Variants in ZFHX3 observed in about 807,000 individuals in gnomAD.
ZFHX3 encodes the protein zinc finger homeobox protein 3.
A neutral mutation model predicts 279.1 loss-of-function variants in ZFHX3; 42 were observed. That is an observed-to-expected ratio of 0.15 (90% CI 0.12 to 0.19). ZFHX3 has a LOEUF of 0.19. ZFHX3 is among the 10% of genes least tolerant of loss of function. ZFHX3 has a pLI of 1.00. For synonymous variants in ZFHX3, 2,293 were observed against 1,957.8 expected (o/e 1.17, Z -4.52); for missense variants, 4,981 against 4,754.0 (o/e 1.05, Z -1.40).
intron 3 of ZFHX3, among the ~76,000 whole-genome samples, chr16:73,386,231 A>C (rs2016900762): frequency 6.6e-6 from 1 of 151,278 alleles, no homozygotes; most frequent in Admixed American, 6.6e-5. Context: ...TCTCTGTTTA[A>C]CTCTCTTACC....
At chr16:73,501,041 C>T (rs1213985282) in intron 2 of ZFHX3, among the ~76,000 whole-genome samples, 1 of 152,218 alleles carries the variant, frequency 6.6e-6, no homozygotes. Flanking sequence ...CACAGGGGTA[C>T]CACTTTTTAA....
chr16:72,955,372 T>C (rs990428681), intron 2 of ZFHX3, among the ~76,000 whole-genome samples: 1 of 152,244 alleles, frequency 6.6e-6, no homozygotes, highest in Non-Finnish European at 1.5e-5. Context: ...TCTGCCGCAA[T>C]GCCCAGGACA....
intron 2 of ZFHX3, among the ~76,000 whole-genome samples, chr16:73,622,274 T>G (rs1176164893): frequency 6.6e-6 from 1 of 152,142 alleles, no homozygotes; most frequent in African/African-American, 2.4e-5. Context: ...GAAAGGAATA[T>G]GGGGCCGGGC....
intron 1 of ZFHX3, among the ~76,000 whole-genome samples, chr16:73,030,646 AAAG>A (rs528870793): frequency 4.3e-4 from 65 of 152,246 alleles, no homozygotes; most frequent in African/African-American, 8.9e-4. Context: ...AGAAAAAAAA[AAAG>A]AAGAAGAAAC....
At chr16:73,573,639 T>C (rs1035872976) in intron 2 of ZFHX3, among the ~76,000 whole-genome samples, 4 of 152,330 alleles carry the variant, frequency 2.6e-5, no homozygotes, top group Admixed American at 2.0e-4. Flanking sequence ...AACTTTATGA[T>C]GATGATTTAA....
At chr16:73,549,695 A>T (rs2020174765) in intron 2 of ZFHX3, among the ~76,000 whole-genome samples, 1 of 152,218 alleles carries the variant, frequency 6.6e-6, no homozygotes, top group African/African-American at 2.4e-5. Context: ...ATCCCAGTCC[A>T]AACACAGAAA....
At chr16:73,166,338 G>T (rs535565655) in intron 5 of ZFHX3, among the ~76,000 whole-genome samples, 1 of 152,264 alleles carries the variant, frequency 6.6e-6, no homozygotes, top group South Asian at 2.1e-4. Context: ...TTCCGAGTCG[G>T]GTTTGGACAA....
At chr16:73,587,507 G>A (rs930406103) in intron 2 of ZFHX3, among the ~76,000 whole-genome samples, 7 of 152,098 alleles carry the variant, frequency 4.6e-5, no homozygotes, top group East Asian at 1.9e-4. Context: ...AAAGCAACCC[G>A]CGTTGGCTGT....
At chr16:73,870,562 T>C (rs890775174) in intron 1 of ZFHX3, among the ~76,000 whole-genome samples, 2 of 152,206 alleles carry the variant, frequency 1.3e-5, no homozygotes, top group Non-Finnish European at 2.9e-5. Flanking sequence ...TTATTCTTTA[T>C]TTCTTGGACA....
chr16:73,225,794 C>G (rs1271089084), intron 5 of ZFHX3, among the ~76,000 whole-genome samples: 1 of 152,056 alleles, frequency 6.6e-6, no homozygotes, highest in East Asian at 1.9e-4. Flanking sequence ...TTACTCCCAC[C>G]TAACGTTGCA....
intron 1 of ZFHX3, among the ~76,000 whole-genome samples, chr16:73,041,395 T>G (rs1027941576): frequency 8.5e-6 from 1 of 117,844 alleles, no homozygotes; most frequent in African/African-American, 4.1e-5. Context: ...CTGCCTCCGT[T>G]AAAAAAGGGT....
intron 4 of ZFHX3, among the ~76,000 whole-genome samples, chr16:72,843,742 G>A (rs986372183): frequency 1.3e-5 from 2 of 152,102 alleles, no homozygotes; most frequent in African/African-American, 4.8e-5. Flanking sequence ...GTGATGTTGA[G>A]GCAGGTGGAT....
intron 2 of ZFHX3, among the ~76,000 whole-genome samples, chr16:73,467,890 T>C (rs142910125): frequency 4.7e-4 from 71 of 152,296 alleles, no homozygotes; most frequent in African/African-American, 1.7e-3. Context: ...CTGGGTAACC[T>C]GCTAAGAACA....
chr16:73,126,324 A>G (rs1248302539), intron 7 of ZFHX3, among the ~76,000 whole-genome samples: 2 of 152,192 alleles, frequency 1.3e-5, no homozygotes, highest in African/African-American at 4.8e-5. Flanking sequence ...GCAGAGGTCC[A>G]AGCACTAGGT....
chr16:73,336,849 A>C (rs2015923124), intron 3 of ZFHX3, among the ~76,000 whole-genome samples: 1 of 152,074 alleles, frequency 6.6e-6, no homozygotes, highest in Non-Finnish European at 1.5e-5. Context: ...GCCAAGTTTA[A>C]AACAATCACA....
At chr16:73,578,428 T>C (rs1261799327) in intron 2 of ZFHX3, among the ~76,000 whole-genome samples, 1 of 152,132 alleles carries the variant, frequency 6.6e-6, no homozygotes, top group Admixed American at 6.5e-5. Flanking sequence ...TAAATATGTT[T>C]GGGAAACTTT....
chr16:73,771,329 G>A lies in ZFHX3; in HGVS notation c.-1607-91089C>T, dbSNP rs143788399. 5.3e-5 allele frequency among the ~76,000 whole-genome samples: 8 copies of A among 152,192 alleles called. No homozygotes were observed. In the East Asian group the frequency reaches 7.7e-4, roughly 15 times the overall value. ...TTAAGCAGGAGATCCTGGTGATGGC[G>A]CCCCAACAGCTGGCACCCTGGTCCC... On this transcript the variant is annotated intron_variant, in intron 1 of 17. Transcript: ENST00000641206.
chr16:73,780,111 A>ATTT lies in ZFHX3; in HGVS notation c.-1607-99874_-1607-99872dup, dbSNP rs762134796. ...AACCAGCAAAACTCACTGCATTTGAATTTTTTTTTTTTTTTTTTTTTTTTT... is the reference window on the plus strand; with the variant it reads ...AACCAGCAAAACTCACTGCATTTGAATTTTTTTTTTTTTTTTTTTTTTTTTTTT... On this transcript the variant is annotated intron_variant, in intron 1 of 17. Transcript: ENST00000641206. 2.7e-4 allele frequency among the ~76,000 whole-genome samples: 9 copies of ATTT among 33,214 alleles called. 3 individuals carry two copies. Among genetic ancestry groups the ATTT allele is most frequent in the Non-Finnish European group, 4.4e-4 (6 of 13,572 alleles). 21.8% of individuals were successfully genotyped at this position (33,214 alleles called of 152,430 possible). A position where few individuals can be genotyped will look rare whatever the true frequency, so the allele number is the denominator to read the frequency against.
intron 5 of ZFHX3, among the ~76,000 whole-genome samples, chr16:73,251,986 C>T (rs1196376537): frequency 6.7e-6 from 1 of 150,034 alleles, no homozygotes; most frequent in Non-Finnish European, 1.5e-5. Context: ...TAACACATCA[C>T]ACACACACAC....
Sources: gnomAD v4.1 joint callset for allele counts (sites outside exome capture counted in the v4.1 genomes callset) on GRCh38, gnomAD v4.1.1 for gene constraint, MANE v1.5 for transcripts, NCBI Gene and HGNC (gene_info 2026-07-23, HGNC 2026-07-21) for gene names.